DENND2C: variants seen among roughly 807,000 people sequenced by gnomAD.
DENND2C encodes the protein DENN domain-containing protein 2C.
Under a neutral mutation model 112.4 loss-of-function variants are expected in DENND2C, and 72 were observed. That is an observed-to-expected ratio of 0.64 (90% CI 0.53 to 0.78). The LOEUF (loss-of-function observed/expected upper bound fraction) is 0.78, where lower values mean the gene tolerates loss of function less well. Ranked by LOEUF, DENND2C falls within the 30% of genes least tolerant of loss-of-function variation. DENND2C has a pLI of 0.00. For missense variants in DENND2C, 992 were observed against 1,113.8 expected, an observed-to-expected ratio of 0.89 and a Z score of 1.56; for synonymous variants, 329 against 381.6, an observed-to-expected ratio of 0.86 and a Z score of 1.61.
chr1:114,597,827 G>T (rs976011498), intron 16 of DENND2C, among the ~76,000 whole-genome samples: 4 of 152,094 alleles, frequency 2.6e-5, no homozygotes, highest in African/African-American at 9.7e-5. Context: ...GTAGTGGAAA[G>T]AGACAAAGAT....
rs534318205 is a variant in DENND2C at position 114,622,615 on chromosome 1, G to A, written c.1056+372C>T. Among the ~76,000 whole-genome samples, 130 of 152,172 alleles carry A rather than the reference G, an allele frequency of 8.5e-4. 2 individuals carry two copies. In the Middle Eastern group the frequency reaches 0.01, roughly 12 times the overall value. On this transcript the variant is annotated intron_variant, in intron 6 of 20. Coordinates refer to ENST00000393274, the MANE Select transcript of DENND2C (RefSeq NM_001256404.2). ...AATTCCCAGAAAACAATGGCTCACAGTTTTCATGAACTCTAGGGAGCCTTT... is the reference window on the plus strand; with the variant it reads ...AATTCCCAGAAAACAATGGCTCACAATTTTCATGAACTCTAGGGAGCCTTT...
At chr1:114,637,781 C>T (rs1473617685) in intron 3 of DENND2C, among the ~76,000 whole-genome samples, 2 of 152,120 alleles carry the variant, frequency 1.3e-5, no homozygotes, top group East Asian at 1.9e-4. Flanking sequence ...TCCCAAAGTG[C>T]TAGGATTACA....
intron 2 of DENND2C, among the ~76,000 whole-genome samples, chr1:114,652,297 A>G (rs750219207): frequency 6.6e-6 from 1 of 152,208 alleles, no homozygotes; most frequent in Non-Finnish European, 1.5e-5. Flanking sequence ...GGATATACAT[A>G]TATCTATATA....
rs1311230360 is a variant in DENND2C at position 114,600,271 on chromosome 1, G to A, written c.2038C>T (p.His680Tyr). The change falls in exon 15 of 21, where the codon CAT becomes TAT. Residue 680 changes from histidine to tyrosine, a missense_variant. Physicochemically the swap from His to Tyr is moderately conservative, Grantham distance 83. This residue lies in a region of DENND2C where 516 missense variants were observed against 623.6 expected (regional missense o/e 0.83). Coordinates refer to ENST00000393274, the MANE Select transcript of DENND2C (RefSeq NM_001256404.2). ...AGAGAGGCACAGACCCGGATGAGAT[G>A]ACACACACTCAGGCACTTAAAGAGA... ...KCLFKCLSVC[H>Y]LIRVCASLLL... The A allele has an allele frequency of 1.2e-6, 2 of 1,614,052 alleles. No homozygotes were observed. Among genetic ancestry groups the A allele is most frequent in the Non-Finnish European group, 1.7e-6 (2 of 1,180,012 alleles).
chr1:114,589,094 A>T (rs1655117821), intron 18 of DENND2C, among the ~76,000 whole-genome samples: 1 of 152,152 alleles, frequency 6.6e-6, no homozygotes, highest in Non-Finnish European at 1.5e-5. Context: ...AAGATGCTGG[A>T]CTCACAAGTC....
chr1:114,627,835 T>C (rs1427526754), intron 3 of DENND2C, among the ~76,000 whole-genome samples: 1 of 152,158 alleles, frequency 6.6e-6, no homozygotes, highest in Non-Finnish European at 1.5e-5. Context: ...TTTTCTTCAC[T>C]ATAGACAAGA....
intron 8 of DENND2C, 94 bp downstream of exon 8, chr1:114,618,292 A>G: frequency 1.1e-6 from 1 of 948,064 alleles, no homozygotes; most frequent in South Asian, 2.3e-5. Flanking sequence ...CCGGCCCCAA[A>G]ATTTTTAATA....
Position 114,608,723 on chromosome 1 carries a change from C to T in DENND2C, c.1520G>A (p.Ser507Asn). Residue 507 changes from serine (S) to asparagine (N), a missense_variant, in exon 10 of 21, where the codon AGC becomes AAC. Around this residue, in one of 3 missense-constraint regions of DENND2C, gnomAD observed 516 missense variants for 623.6 expected, o/e 0.83. Coordinates refer to ENST00000393274, the MANE Select transcript of DENND2C (RefSeq NM_001256404.2). Reference sequence around the variant, plus strand: ...TTGTTGTATGACCTGGGGAATATAGCTTATTCCTGATGGTTTCTTCTGTAG... The same window carrying T: ...TTGTTGTATGACCTGGGGAATATAGTTTATTCCTGATGGTTTCTTCTGTAG... ...VSLQKKPSGI[S>N]YIPQVIQQFP... 2 of 1,614,154 alleles carry T rather than the reference C, an allele frequency of 1.2e-6. No individual in the cohort carries two copies. Among genetic ancestry groups the T allele is most frequent in the Non-Finnish European group, 1.7e-6 (2 of 1,180,040 alleles).
chr1:114,622,934 A>G, intron 6 of DENND2C, 53 bp downstream of exon 6: 1 of 1,383,988 alleles, frequency 7.2e-7, no homozygotes, highest in Non-Finnish European at 1.0e-6. Context: ...ATCTTTTTGT[A>G]GATACCATGA....
intron 3 of DENND2C, among the ~76,000 whole-genome samples, chr1:114,633,748 A>G (rs1656566828): frequency 6.6e-6 from 1 of 152,216 alleles, no homozygotes; most frequent in Admixed American, 6.5e-5. Flanking sequence ...CACATGGAAC[A>G]AACAGAAAAT....
chr1:114,649,938 C>G (rs1304718081), intron 2 of DENND2C, among the ~76,000 whole-genome samples: 1 of 152,170 alleles, frequency 6.6e-6, no homozygotes, highest in Non-Finnish European at 1.5e-5. Flanking sequence ...TTTGGTGTAT[C>G]TTCTGTTTTT....
In DENND2C at chr1:114,602,115, T is replaced by G. The variant is rs1278960964; in HGVS notation, c.1737+10A>C. On this transcript the variant is annotated intron_variant, in intron 12 of 20. Coordinates refer to ENST00000393274, the MANE Select transcript of DENND2C (RefSeq NM_001256404.2). The stretch of plus-strand genomic sequence containing the variant: ...ACCAACCCTGTCTGTAACACAAATC[T>G]GATACTTACCAAGAGCTTCTTACAG... 6.2e-7 allele frequency: 1 copy of G among 1,613,704 alleles called. No individual in the cohort carries two copies.
chr1:114,649,366 G>C (rs116628887), intron 2 of DENND2C, among the ~76,000 whole-genome samples: 251 of 152,172 alleles, frequency 1.6e-3, no homozygotes, highest in African/African-American at 5.9e-3. Context: ...ATGTAACCTA[G>C]TGTTTTCCTA....
intron 3 of DENND2C, among the ~76,000 whole-genome samples, chr1:114,629,991 A>G (rs1347944227): frequency 6.6e-6 from 1 of 152,236 alleles, no homozygotes; most frequent in East Asian, 1.9e-4. Context: ...GAAGGGGTAC[A>G]CTGTAAAAAT....
At chr1:114,643,291 G>A (rs1326443321) in intron 3 of DENND2C, among the ~76,000 whole-genome samples, 1 of 152,274 alleles carries the variant, frequency 6.6e-6, no homozygotes, top group South Asian at 2.1e-4. Flanking sequence ...AGTTGGGTGG[G>A]AACTTGCACT....
chr1:114,584,260 TCTTTTTTCTTTTC>T lies in DENND2C; in HGVS notation c.*1327_*1339del, dbSNP rs965346871. 4 of 152,172 alleles carry T rather than the reference TCTTTTTTCTTTTC, an allele frequency of 2.6e-5. No homozygotes were observed. Among genetic ancestry groups the T allele is most frequent in the African/African-American group, 2.4e-5 (1 of 41,418 alleles). 9.4% of individuals were successfully genotyped at this position (152,172 alleles called of 1,614,324 possible). On this transcript the variant is annotated 3_prime_UTR_variant, in exon 21 of 21. Coordinates refer to ENST00000393274, the MANE Select transcript of DENND2C (RefSeq NM_001256404.2). Reference sequence around the variant, plus strand: ...TTTAACTTCTTTGAATTTGTTTTTTTCTTTTTTCTTTTCCTTTTTTCTTTTTTTTGAGATGGAG... The same window carrying T: ...TTTAACTTCTTTGAATTTGTTTTTTTCTTTTTTCTTTTTTTTGAGATGGAG...
chr1:114,592,480 G>C (rs926802795), intron 18 of DENND2C, among the ~76,000 whole-genome samples: 5 of 152,240 alleles, frequency 3.3e-5, no homozygotes, highest in Admixed American at 1.3e-4. Context: ...GGCTTTGAGA[G>C]GCTGAGGTGG....
At chr1:114,655,621 T>C (rs184528491) in intron 1 of DENND2C, among the ~76,000 whole-genome samples, 4,000 of 151,884 alleles carry the variant, frequency 0.026, 95 homozygotes, top group Non-Finnish European at 0.034. Flanking sequence ...GTAGCTGGGA[T>C]TACAGGCGCC....
At chr1:114,590,778 C>CAAAAAA (rs33970610) in intron 18 of DENND2C, among the ~76,000 whole-genome samples, 1 of 112,998 alleles carries the variant, frequency 8.8e-6, no homozygotes, top group Non-Finnish European at 1.8e-5. Context: ...GACTCCGTCT[C>CAAAAAA]AAAAAAAAAA....
Sources: gnomAD v4.1 joint callset for allele counts (sites outside exome capture counted in the v4.1 genomes callset) on GRCh38, gnomAD v4.1.1 for gene constraint, gnomAD v4.1.1 regional missense constraint, MANE v1.5 for transcripts, NCBI Gene and HGNC (gene_info 2026-07-23, HGNC 2026-07-21) for gene names.